Variants in IQCH observed in about 807,000 individuals in gnomAD.
IQCH encodes IQ domain-containing protein H.
IQCH carries 98 observed loss-of-function variants against 117.0 expected under a neutral mutation model. The observed-to-expected ratio is 0.84, with a 90% CI of 0.71 to 0.99. The LOEUF (loss-of-function observed/expected upper bound fraction) is 0.99, where lower values mean the gene tolerates loss of function less well. Among genes scored for constraint, IQCH ranks in the 50% least tolerant of loss-of-function variants. The pLI, the probability that IQCH is intolerant of heterozygous loss-of-function variation, is 0.00. For synonymous variants in IQCH, 412 were observed against 448.2 expected, an observed-to-expected ratio of 0.92 and a Z score of 1.02; for missense variants, 1,102 against 1,243.8, an observed-to-expected ratio of 0.89 and a Z score of 1.72.
rs765558699 is a variant in IQCH, at chr15:67,372,535, G to T, written c.1178G>T (p.Arg393Leu). The T allele has an allele frequency of 1.9e-6, 3 of 1,613,942 alleles. No individual in the cohort carries two copies. Among genetic ancestry groups the T allele is most frequent in the East Asian group, 4.5e-5 (2 of 44,866 alleles). ...YKARKFFLFY[R>L]QQKWASGVIA... The stretch of plus-strand genomic sequence containing the variant: ...GCAAGAAAATTCTTCCTCTTTTATC[G>T]CCAGCAGAAGTGGGCATCAGGTGTG... Residue 393 changes from arginine to leucine, a missense_variant, in exon 9 of 21, where the codon CGC becomes CTC. Arg to Leu is a moderately radical substitution (Grantham distance 102). Around this residue, in one of 2 missense-constraint regions of IQCH, gnomAD observed 650 missense variants for 794.3 expected, o/e 0.82. Coordinates refer to ENST00000335894, the MANE Select transcript of IQCH (RefSeq NM_001031715.3).
At chr15:67,409,170 T>C (rs529712500) in intron 14 of IQCH, among the ~76,000 whole-genome samples, 1 of 152,284 alleles carries the variant, frequency 6.6e-6, no homozygotes, top group African/African-American at 2.4e-5. Flanking sequence ...GGCCCTCACA[T>C]ACACCATGAA....
chr15:67,463,490 T>C lies in IQCH; in HGVS notation c.2506-1637T>C, dbSNP rs2082850606. Among the ~76,000 whole-genome samples the C allele has an allele frequency of 6.6e-6, 1 of 152,192 alleles. No homozygotes were observed. The highest frequency in any genetic ancestry group is 1.5e-5 in the Non-Finnish European group (1 of 68,042). On this transcript the variant is annotated intron_variant, in intron 16 of 20. Coordinates refer to ENST00000335894, the MANE Select transcript of IQCH (RefSeq NM_001031715.3). The surrounding 1 kb of genome is among the most constrained non-coding windows in gnomAD (Gnocchi z 4.0). ...GGAGCCAGGTAGAATTGGATTCAGA[T>C]CCCAACACCACCACTTCCTAACTCA...
At chr15:67,344,309 A>T in intron 6 of IQCH, 118 bp downstream of exon 6, 1 of 797,582 alleles carries the variant, frequency 1.3e-6, no homozygotes, top group Non-Finnish European at 1.9e-6. Flanking sequence ...GAAAGTTGTA[A>T]TCATCCTGAG....
chr15:67,336,443 T>C (rs1409117310), intron 4 of IQCH, among the ~76,000 whole-genome samples: 3 of 152,214 alleles, frequency 2.0e-5, no homozygotes, highest in African/African-American at 7.2e-5. Flanking sequence ...TTTTATGACT[T>C]TAGGAAAAGT....
intron 4 of IQCH, among the ~76,000 whole-genome samples, chr15:67,295,559 A>G (rs1264679240): frequency 1.3e-5 from 2 of 152,172 alleles, no homozygotes; most frequent in Admixed American, 6.6e-5. Context: ...TTGGGATAGA[A>G]GAGTACTGAG....
In IQCH at chr15:67,372,379, A is replaced by AC. The variant is rs867397774; in HGVS notation, c.1024dup (p.Leu342ProfsTer71). 1.2e-6 allele frequency: 2 copies of AC among 1,614,132 alleles called. No individual in the cohort carries two copies. Among genetic ancestry groups the AC allele is most frequent in the Non-Finnish European group, 1.7e-6 (2 of 1,180,006 alleles). ...CTGACGAATAAACTTACCAGATATG[A>AC]CCTTCTCTCAGTGTTAGAGGACCCA... On this transcript the variant is annotated frameshift_variant, in exon 9 of 21. Transcript: ENST00000335894. LOFTEE classifies it high-confidence loss of function.
intron 20 of IQCH, among the ~76,000 whole-genome samples, chr15:67,498,200 C>T (rs1351789542): frequency 6.6e-6 from 1 of 152,144 alleles, no homozygotes; most frequent in Non-Finnish European, 1.5e-5. Context: ...TAAACCCATA[C>T]ATAATGGCCA....
Position 67,438,874 on chromosome 15 carries a change from T to C in IQCH, c.2505+17297T>C, listed in dbSNP as rs1469747899. Among the ~76,000 whole-genome samples the C allele has an allele frequency of 2.6e-5, 4 of 152,212 alleles. No homozygotes were observed. The East Asian group carries it at 7.7e-4, about 29-fold the overall frequency. On this transcript the variant is annotated intron_variant, in intron 16 of 20. Coordinates refer to ENST00000335894, the MANE Select transcript of IQCH (RefSeq NM_001031715.3). ...AAAATATCACAATCCTAAACATATA[T>C]GCATGTAACACTGGAGCTCCCAAAT...
At position 67,427,038 on chromosome 15, in the gene IQCH, G is replaced by GC. The variant is rs2081909313; in HGVS notation, c.2505+5462dup. On this transcript the variant is annotated intron_variant, in intron 16 of 20. Transcript: ENST00000335894. The surrounding 1 kb of genome is among the most constrained non-coding windows in gnomAD (Gnocchi z 4.7). The stretch of plus-strand genomic sequence containing the variant: ...AACAGGAGGATCAAGATAGTCTAGA[G>GC]CAGGAGTTGGTAAACAATGGCCTAC... 6.6e-6 allele frequency among the ~76,000 whole-genome samples: 1 copy of GC among 151,620 alleles called. No individual in the cohort carries two copies. Among genetic ancestry groups the GC allele is most frequent in the African/African-American group, 2.4e-5 (1 of 41,320 alleles).
At chr15:67,325,557 A>G (rs1440179976) in intron 4 of IQCH, among the ~76,000 whole-genome samples, 23 of 152,096 alleles carry the variant, frequency 1.5e-4, no homozygotes, top group Non-Finnish European at 3.2e-4. Context: ...ATGTACATAT[A>G]ATTATTTATA....
intron 16 of IQCH, among the ~76,000 whole-genome samples, chr15:67,460,391 CT>C (rs1266008469): frequency 6.6e-6 from 1 of 152,154 alleles, no homozygotes; most frequent in African/African-American, 2.4e-5. Flanking sequence ...AGTCATGTTG[CT>C]TGTGTAACTT....
chr15:67,421,599 C>T (rs201188841), intron 16 of IQCH, 22 bp downstream of exon 16: 22 of 1,612,384 alleles, frequency 1.4e-5, no homozygotes, highest in East Asian at 1.3e-4. Flanking sequence ...GGATGCCATA[C>T]GAAATGCTAA....
Position 67,496,875 on chromosome 15 carries a change from G to A in IQCH, c.2970+2509G>A, listed in dbSNP as rs965911071. ...CTACTAAAAATACAAAAAATTAGCC[G>A]GGCACGGTGGCGGGCGCCTGTAGTC... On this transcript the variant is annotated intron_variant, in intron 20 of 20. Coordinates refer to ENST00000335894, the MANE Select transcript of IQCH (RefSeq NM_001031715.3). This position sits in a 1 kb window ranked among gnomAD's most constrained non-coding sequence, Gnocchi z 4.4. 1.9e-4 allele frequency among the ~76,000 whole-genome samples: 29 copies of A among 150,626 alleles called. No individual in the cohort carries two copies. The highest frequency in any genetic ancestry group is 6.6e-4 in the African/African-American group (27 of 41,028).
Position 67,385,049 on chromosome 15 carries a change from C to A in IQCH, c.1456+30C>A. On this transcript the variant is annotated intron_variant, in intron 11 of 20. Transcript: ENST00000335894. The surrounding 1 kb of genome is among the most constrained non-coding windows in gnomAD (Gnocchi z 4.6). ...AGTAAATAGTTTTACACAAATGACT[C>A]TTTGGAATGTTTATCAGTGGATGTT... 7.4e-7 allele frequency: 1 copy of A among 1,344,772 alleles called. No individual in the cohort carries two copies. The highest frequency in any genetic ancestry group is 1.1e-6 in the Non-Finnish European group (1 of 938,144). 83.3% of individuals were successfully genotyped at this position (1,344,772 alleles called of 1,614,324 possible).
chr15:67,395,384 G>T lies in IQCH; in HGVS notation c.1726G>T (p.Val576Phe). 1 of 1,614,044 alleles carries T rather than the reference G, an allele frequency of 6.2e-7. No individual in the cohort carries two copies. Among genetic ancestry groups the T allele is most frequent in the Non-Finnish European group, 8.5e-7 (1 of 1,179,982 alleles). Residue 576 changes from valine to phenylalanine, a missense_variant, in exon 13 of 21, where the codon GTC becomes TTC. Val to Phe is a conservative substitution (Grantham distance 50). This residue lies in a region of IQCH where 650 missense variants were observed against 794.3 expected (regional missense o/e 0.82). Coordinates refer to ENST00000335894, the MANE Select transcript of IQCH (RefSeq NM_001031715.3). This position sits in a 1 kb window ranked among gnomAD's most constrained non-coding sequence, Gnocchi z 4.0. The part of the protein sequence containing the change: ...NLIRGTEAYI[V>F]SGLLHRDDLA... ...CATCCGAGGAACAGAGGCCTACATC[G>T]TCAGCGGGCTCCTCCACAGAGATGA...
intron 15 of IQCH, among the ~76,000 whole-genome samples, chr15:67,418,142 G>C (rs1009790543): frequency 6.6e-6 from 1 of 152,088 alleles, no homozygotes; most frequent in African/African-American, 2.4e-5. Context: ...ACGTAGAAGA[G>C]CCCATGAAAA....
intron 4 of IQCH, among the ~76,000 whole-genome samples, chr15:67,322,941 A>G (rs147934962): frequency 4.6e-5 from 7 of 152,310 alleles, no homozygotes; most frequent in African/African-American, 9.6e-5. Flanking sequence ...GGGCATGACA[A>G]TGTAAAAAAC....
chr15:67,297,855 A>C (rs1169313517), intron 4 of IQCH, among the ~76,000 whole-genome samples: 1 of 152,122 alleles, frequency 6.6e-6, no homozygotes, highest in Non-Finnish European at 1.5e-5. Context: ...TCAAGTTAAA[A>C]AGCTTCTGCA....
At chr15:67,277,853 C>A (rs1966194344) in intron 3 of IQCH, among the ~76,000 whole-genome samples, 1 of 152,150 alleles carries the variant, frequency 6.6e-6, no homozygotes, top group Non-Finnish European at 1.5e-5. Flanking sequence ...GTTTTTATCA[C>A]CCCTTTTGTC....
Sources: gnomAD v4.1 joint callset for allele counts (sites outside exome capture counted in the v4.1 genomes callset) on GRCh38, gnomAD v4.1.1 for gene constraint, gnomAD v4.1.1 regional missense constraint, Gnocchi (gnomAD v3.1) non-coding constraint, MANE v1.5 for transcripts, NCBI Gene and HGNC (gene_info 2026-07-23, HGNC 2026-07-21) for gene names.